The following PHC2 variants were observed in gnomAD, a reference collection of about 807,000 sequenced individuals.
PHC2 encodes the protein polyhomeotic homolog 2, also known as polyhomeotic-like protein 2.
A neutral mutation model predicts 87.4 loss-of-function variants in PHC2; 29 were observed. That is an observed-to-expected ratio of 0.33 (90% CI 0.25 to 0.45). PHC2 has a LOEUF of 0.45. Ranked by LOEUF, PHC2 falls within the 20% of genes least tolerant of loss-of-function variation. The probability of loss-of-function intolerance (pLI) is 1.00; values close to 1 mark genes in which losing one functional copy is unlikely to be tolerated. For missense variants in PHC2, 857 were observed against 1,136.7 expected (o/e 0.75, Z 3.54); for synonymous variants, 438 against 461.7 (o/e 0.95, Z 0.66).
intron 7 of PHC2, among the ~76,000 whole-genome samples, chr1:33,365,563 T>C (rs1037860660): frequency 3.9e-5 from 6 of 152,144 alleles, no homozygotes; most frequent in African/African-American, 1.2e-4. Flanking sequence ...TTTCAACGCA[T>C]TGAAAGAGCC....
intron 9 of PHC2, among the ~76,000 whole-genome samples, chr1:33,348,835 G>A (rs927691848): frequency 6.6e-6 from 1 of 152,168 alleles, no homozygotes; most frequent in Non-Finnish European, 1.5e-5. Flanking sequence ...AAGTATGTGG[G>A]TGAGATCAGT....
At chr1:33,402,888 C>T (rs930043017) in intron 1 of PHC2, among the ~76,000 whole-genome samples, 3 of 151,864 alleles carry the variant, frequency 2.0e-5, no homozygotes, top group South Asian at 2.1e-4. Context: ...TGCAGTGGCG[C>T]GATCTCGCCT....
chr1:33,378,172 A>G (rs1218345439), intron 1 of PHC2, among the ~76,000 whole-genome samples: 1 of 152,266 alleles, frequency 6.6e-6, no homozygotes, highest in Non-Finnish European at 1.5e-5. Context: ...TCAATGAAGC[A>G]GCAAAGTCAA....
intron 6 of PHC2, 32 bp from the exon 7 acceptor site, chr1:33,367,460 A>G (rs1362537227): frequency 1.3e-6 from 2 of 1,504,876 alleles, no homozygotes; most frequent in East Asian, 2.3e-5. Context: ...GAGTCCAGAG[A>G]ATGTGGCAGG....
chr1:33,357,278 A>C (rs1267693539), intron 7 of PHC2, among the ~76,000 whole-genome samples: 2 of 152,206 alleles, frequency 1.3e-5, no homozygotes, highest in Non-Finnish European at 2.9e-5. Flanking sequence ...CCTGTGATGC[A>C]ACAGGTGCAA....
At chr1:33,345,445 T>C in intron 9 of PHC2, 11 of 584,006 alleles carry the variant, frequency 1.9e-5, no homozygotes, top group Non-Finnish European at 2.4e-5. Context: ...ATTTGGAAAT[T>C]GGAAGAACAG....
Position 33,328,893 on chromosome 1 carries a change from TA to T in PHC2, c.2401del (p.Tyr801ThrfsTer13). On this transcript the variant is annotated frameshift_variant, in exon 14 of 15. Transcript: ENST00000683057. LOFTEE classifies it high-confidence loss of function. ...EPTKWNVEDV[Y>X]EFIRSLPGCQ... ...ACCTGGCAGAGAGCGGATGAATTCG[TA>T]GACGTCTTCTACATTCCACTTGGTG... 6.2e-7 allele frequency: 1 copy of T among 1,609,996 alleles called. No individual in the cohort carries two copies. The highest frequency in any genetic ancestry group is 8.5e-7 in the Non-Finnish European group (1 of 1,176,496).
intron 1 of PHC2, among the ~76,000 whole-genome samples, chr1:33,389,456 C>T (rs1430476748): frequency 6.6e-6 from 1 of 152,084 alleles, no homozygotes; most frequent in African/African-American, 2.4e-5. Context: ...TCTTTGGGAC[C>T]GTTCCCTTTT....
At chr1:33,391,458 G>C (rs554692811) in intron 1 of PHC2, among the ~76,000 whole-genome samples, 1 of 152,288 alleles carries the variant, frequency 6.6e-6, no homozygotes, top group East Asian at 1.9e-4. Context: ...TCGGGCAGGA[G>C]CTTTGAGCCT....
At position 33,370,404 on chromosome 1, in the gene PHC2, T is replaced by G; in HGVS notation, c.576+17A>C. 3 of 1,604,264 alleles carry G rather than the reference T, an allele frequency of 1.9e-6. No individual in the cohort carries two copies. Among genetic ancestry groups the G allele is most frequent in the Non-Finnish European group, 2.6e-6 (3 of 1,172,426 alleles). On this transcript the variant is annotated intron_variant, in intron 5 of 14. Coordinates refer to ENST00000683057, the MANE Select transcript of PHC2 (RefSeq NM_001385109.1). ...TCCTGGTGCCTCTGAGCCATGGCCC[T>G]GGCCATGGGTACTCACCATCTGTGC... is the stretch of plus-strand genomic sequence containing the variant.
rs1646691773 is a variant in PHC2, at chr1:33,338,873, G to T, written c.1559-4581C>A. 2.0e-5 allele frequency among the ~76,000 whole-genome samples: 3 copies of T among 152,150 alleles called. No individual in the cohort carries two copies. In the South Asian group the frequency reaches 6.2e-4, roughly 32 times the overall value. On this transcript the variant is annotated intron_variant, in intron 9 of 14. Transcript: ENST00000683057. ...GGGGAGGGGAGTAAAGCTAGGCTTC[G>T]GTGGGGGAAGGGGGAGGTAAAATCT...
intron 9 of PHC2, among the ~76,000 whole-genome samples, chr1:33,335,523 A>G (rs908531214): frequency 6.6e-6 from 1 of 152,282 alleles, no homozygotes; most frequent in Non-Finnish European, 1.5e-5. Flanking sequence ...ATTTCATGTT[A>G]AAGATCCATA....
At chr1:33,394,821 T>C (rs762207765) in intron 1 of PHC2, among the ~76,000 whole-genome samples, 48 of 152,190 alleles carry the variant, frequency 3.2e-4, no homozygotes, top group Non-Finnish European at 5.9e-4. Context: ...CCTTCTGCCT[T>C]GGCCTCCCGA....
intron 1 of PHC2, among the ~76,000 whole-genome samples, chr1:33,428,228 C>T (rs1199909897): frequency 6.6e-6 from 1 of 152,190 alleles, no homozygotes; most frequent in East Asian, 1.9e-4. Flanking sequence ...TACTACACCA[C>T]CACTCTCATT....
chr1:33,419,845 G>A (rs992699495), intron 1 of PHC2, among the ~76,000 whole-genome samples: 17 of 151,998 alleles, frequency 1.1e-4, no homozygotes, highest in South Asian at 2.1e-4. Flanking sequence ...TCCTGACCTC[G>A]TGATCCACCC....
At chr1:33,370,095 C>A (rs966735976) in intron 5 of PHC2, among the ~76,000 whole-genome samples, 21 of 152,120 alleles carry the variant, frequency 1.4e-4, no homozygotes, top group African/African-American at 4.6e-4. Flanking sequence ...TCCAGGACCA[C>A]CTGGGCATGA....
intron 1 of PHC2, among the ~76,000 whole-genome samples, chr1:33,396,841 C>A (rs1444914282): frequency 6.6e-6 from 1 of 152,172 alleles, no homozygotes; most frequent in Non-Finnish European, 1.5e-5. Flanking sequence ...TTGGAGGAGA[C>A]ACTCTGAGCT....
chr1:33,334,719 G>A lies in PHC2; in HGVS notation c.1559-427C>T, dbSNP rs114603846. Among the ~76,000 whole-genome samples the A allele has an allele frequency of 4.5e-3, 686 of 152,334 alleles. 6 individuals carry two copies. Among genetic ancestry groups the A allele is most frequent in the African/African-American group, 0.016 (646 of 41,576 alleles). On this transcript the variant is annotated intron_variant, in intron 9 of 14. Transcript: ENST00000683057. This position sits in a 1 kb window ranked among gnomAD's most constrained non-coding sequence, Gnocchi z 5.5. ...GACAAGAAGCTGAGCTAGGTATAGG[G>A]CTTTGAGTGTGATAAAGAGAAGCTT...
At chr1:33,404,359 CA>C (rs551880978) in intron 1 of PHC2, among the ~76,000 whole-genome samples, 2 of 151,662 alleles carry the variant, frequency 1.3e-5, no homozygotes, top group Non-Finnish European at 2.9e-5. Flanking sequence ...TAAAATCTTT[CA>C]AAAAAAACCC....
Sources: allele counts gnomAD v4.1 joint callset (sites outside exome capture counted in the v4.1 genomes callset), GRCh38; gene constraint gnomAD v4.1.1; non-coding constraint Gnocchi (gnomAD v3.1); transcripts MANE v1.5; gene names NCBI Gene and HGNC (gene_info 2026-07-23, HGNC 2026-07-21).